Variants in GIGYF2 observed in about 807,000 individuals in gnomAD.
The protein encoded by GIGYF2 is GRB10-interacting GYF protein 2.
GIGYF2 carries 25 observed loss-of-function variants against 208.1 expected under a neutral mutation model. The ratio of observed to expected loss-of-function variants is 0.12; its 90% CI spans 0.09 to 0.17. GIGYF2 has a LOEUF of 0.17. Among genes scored for constraint, GIGYF2 ranks in the 10% least tolerant of loss-of-function variants. The pLI is 1.00. For synonymous variants in GIGYF2, 534 were observed against 543.8 expected, an observed-to-expected ratio of 0.98 and a Z score of 0.25; for missense variants, 1,302 against 1,579.4, an observed-to-expected ratio of 0.82 and a Z score of 2.98.
intron 27 of GIGYF2, 108 bp downstream of exon 27, chr2:232,847,679 A>G (rs1702067067): frequency 5.6e-6 from 8 of 1,436,564 alleles, no homozygotes; most frequent in South Asian, 3.5e-5. Context: ...TGTATATCCA[A>G]TAACCATGCT....
chr2:232,736,059 G>T, intron 3 of GIGYF2: 1 of 975,370 alleles, frequency 1.0e-6, no homozygotes, highest in Non-Finnish European at 1.2e-6. Context: ...CTCTATTTGA[G>T]GAGTCTTATT....
chr2:232,796,628 G>A (rs1700231078), intron 14 of GIGYF2, among the ~76,000 whole-genome samples: 1 of 152,198 alleles, frequency 6.6e-6, no homozygotes, highest in South Asian at 2.1e-4. Context: ...GGAAGCCGAG[G>A]TGGGCGAATC....
At chr2:232,839,258 A>G (rs930003496) in intron 22 of GIGYF2, among the ~76,000 whole-genome samples, 3 of 152,194 alleles carry the variant, frequency 2.0e-5, no homozygotes, top group Admixed American at 6.5e-5. Flanking sequence ...ATTTTAGTCA[A>G]TAATCTTAAG....
At chr2:232,792,349 C>T (rs955085543) in intron 12 of GIGYF2, among the ~76,000 whole-genome samples, 1 of 152,122 alleles carries the variant, frequency 6.6e-6, no homozygotes, top group Non-Finnish European at 1.5e-5. Flanking sequence ...ATGTTTATTA[C>T]CTTGTTTTCC....
At chr2:232,776,396 C>G in intron 8 of GIGYF2, 1 of 1,519,084 alleles carries the variant, frequency 6.6e-7, no homozygotes, top group Non-Finnish European at 9.1e-7. Context: ...CAGTTTCTTT[C>G]CCTGTTTCCC....
Position 232,790,774 on chromosome 2 carries a change from T to A in GIGYF2, c.789T>A (p.Asp263Glu), listed in dbSNP as rs976415657. The change falls in exon 10 of 29, where the codon GAT (aspartate) becomes GAA (glutamate). Residue 263 changes from aspartate (D) to glutamate (E), a missense_variant. Asp to Glu is a conservative substitution (Grantham distance 45). Transcript: ENST00000373563. ...RRFEFDFRDR[D>E]DERGYRRVRS... Reference sequence around the variant, plus strand: ...TTGAGTTTGATTTTCGAGATAGAGATGATGAACGGGGTTACCGAAGGGTTC... The same window carrying A: ...TTGAGTTTGATTTTCGAGATAGAGAAGATGAACGGGGTTACCGAAGGGTTC... 2.4e-5 allele frequency: 38 copies of A among 1,613,992 alleles called. No homozygotes were observed. Among genetic ancestry groups the A allele is most frequent in the Non-Finnish European group, 3.1e-5 (36 of 1,179,992 alleles).
At chr2:232,725,354 A>T (rs952740825) in intron 2 of GIGYF2, among the ~76,000 whole-genome samples, 1 of 152,188 alleles carries the variant, frequency 6.6e-6, no homozygotes, top group Non-Finnish European at 1.5e-5. Flanking sequence ...AAAAGATCCT[A>T]GGTCTTTCTT....
chr2:232,817,022 G>T lies in GIGYF2; in HGVS notation c.2360G>T (p.Arg787Leu). 1 of 1,611,912 alleles carries T rather than the reference G, an allele frequency of 6.2e-7. No homozygotes were observed. The highest frequency in any genetic ancestry group is 8.5e-7 in the Non-Finnish European group (1 of 1,177,984). ...AGGCGAGAGGAAGAAGAACTTGCCC[G>T]AAGGAAACAGGTATGTATCTGGGAA... is the stretch of plus-strand genomic sequence containing the variant. ...RKRREEEELA[R>L]RKQEEALRRQ... Residue 787 changes from arginine (R) to leucine (L), a missense_variant, in exon 20 of 29, where the codon CGA (arginine) becomes CTA (leucine). By Grantham distance (102) the Arg-to-Leu change is moderately radical. Coordinates refer to ENST00000373563, the MANE Select transcript of GIGYF2 (RefSeq NM_001103146.3).
chr2:232,805,511 T>C (rs1700534221), intron 14 of GIGYF2, among the ~76,000 whole-genome samples: 1 of 152,218 alleles, frequency 6.6e-6, no homozygotes, highest in African/African-American at 2.4e-5. Flanking sequence ...TAACTTACTT[T>C]AAGTTAATAT....
rs181092832 is a variant in GIGYF2 at position 232,760,263 on chromosome 2, T to C, written c.380-217T>C. 3.2e-5 allele frequency: 17 copies of C among 525,444 alleles called. No individual in the cohort carries two copies. The East Asian group carries it at 5.7e-4, about 18-fold the overall frequency. 32.5% of individuals were successfully genotyped at this position (525,444 alleles called of 1,614,324 possible). A position where few individuals can be genotyped will look rare whatever the true frequency, so the allele number is the denominator to read the frequency against. ...ACTGGGTCTATTGCATTATATTATG[T>C]TAGTTTTTTTAACTTGTTTCTTTCA... On this transcript the variant is annotated intron_variant, in intron 6 of 28. Transcript: ENST00000373563.
chr2:232,791,284 T>A lies in GIGYF2; in HGVS notation c.1120T>A (p.Ser374Thr), dbSNP rs749641279. 39 of 1,613,872 alleles carry A rather than the reference T, an allele frequency of 2.4e-5. No homozygotes were observed. In the African/African-American group the frequency reaches 3.9e-4, roughly 16 times the overall value. Reference protein sequence around the residue: ...VEASEETPQTSSSSARPGTPS... With the variant: ...VEASEETPQTTSSSARPGTPS... Reference sequence around the variant, plus strand: ...AGCTAGTGAGGAAACTCCCCAGACCTCATCATCATCTGCTAGACCAGGTAC... The same window carrying A: ...AGCTAGTGAGGAAACTCCCCAGACCACATCATCATCTGCTAGACCAGGTAC... The change falls in exon 12 of 29, where the codon TCA (serine) becomes ACA (threonine). Residue 374 changes from serine to threonine, a missense_variant. Around this residue, in one of 8 missense-constraint regions of GIGYF2, gnomAD observed 235 missense variants for 218.8 expected, o/e 1.07. Transcript: ENST00000373563.
At position 232,806,411 on chromosome 2, in the gene GIGYF2, T is replaced by G; in HGVS notation, c.1640-80T>G. The G allele has an allele frequency of 1.0e-6, 1 of 970,050 alleles. No homozygotes were observed. Among genetic ancestry groups the G allele is most frequent in the South Asian group, 1.3e-5 (1 of 77,840 alleles). The allele number at this position is 970,050 out of a possible 1,614,324, so 60.1% of individuals were successfully genotyped here. On this transcript the variant is annotated intron_variant, in intron 14 of 28. Coordinates refer to ENST00000373563, the MANE Select transcript of GIGYF2 (RefSeq NM_001103146.3). This position sits in a 1 kb window ranked among gnomAD's most constrained non-coding sequence, Gnocchi z 4.0. ...TTGACAGATGCCACCTCGATGAGAA[T>G]CAGATGCAGGAAATATTTTTTTTCT...
At chr2:232,853,516 GC>G (rs1690438142) in intron 28 of GIGYF2, among the ~76,000 whole-genome samples, 1 of 152,172 alleles carries the variant, frequency 6.6e-6, no homozygotes, top group Non-Finnish European at 1.5e-5. Context: ...CTCGTGATCT[GC>G]CCGCCTTGGC....
At chr2:232,783,289 A>G (rs1699780375) in intron 8 of GIGYF2, among the ~76,000 whole-genome samples, 1 of 152,220 alleles carries the variant, frequency 6.6e-6, no homozygotes, top group Admixed American at 6.5e-5. Context: ...AACACCAAAG[A>G]AAGAATGATG....
intron 12 of GIGYF2, among the ~76,000 whole-genome samples, chr2:232,793,856 A>C (rs1208058734): frequency 1.3e-5 from 2 of 152,182 alleles, no homozygotes; most frequent in Non-Finnish European, 2.9e-5. Context: ...ATAATGTCAG[A>C]TGCTACTAAG....
intron 8 of GIGYF2, among the ~76,000 whole-genome samples, chr2:232,771,738 G>A (rs1361700696): frequency 6.6e-6 from 1 of 152,100 alleles, no homozygotes; most frequent in Non-Finnish European, 1.5e-5. Flanking sequence ...CAAATATTGT[G>A]TATAAAGACT....
At chr2:232,776,672 C>G (rs1468331940) in intron 8 of GIGYF2, 1 of 556,978 alleles carries the variant, frequency 1.8e-6, no homozygotes. Flanking sequence ...TAGCTCTGAT[C>G]ATGTGGAAAA....
rs1035502553 is a variant in GIGYF2 at position 232,844,726 on chromosome 2, T to C, written c.3305+152T>C. The C allele has an allele frequency of 9.5e-5, 64 of 674,938 alleles. 1 individual carries two copies. Among genetic ancestry groups the C allele is most frequent in the Non-Finnish European group, 1.6e-4 (61 of 373,768 alleles). 41.8% of individuals were successfully genotyped at this position (674,938 alleles called of 1,614,324 possible). A position where few individuals can be genotyped will look rare whatever the true frequency, so the allele number is the denominator to read the frequency against. ...CAAGCACATGCAGTCATAATTATGGTGATTGCTTTCTTCCCCATAGAAACA... is the reference window on the plus strand; with the variant it reads ...CAAGCACATGCAGTCATAATTATGGCGATTGCTTTCTTCCCCATAGAAACA... On this transcript the variant is annotated intron_variant, in intron 25 of 28. Transcript: ENST00000373563.
chr2:232,779,575 C>T (rs548629482), intron 8 of GIGYF2, among the ~76,000 whole-genome samples: 1 of 152,246 alleles, frequency 6.6e-6, no homozygotes, highest in South Asian at 2.1e-4. Context: ...TTTCCATTTC[C>T]ACATGTCCAA....
Sources: gnomAD v4.1 joint callset for allele counts (sites outside exome capture counted in the v4.1 genomes callset) on GRCh38, gnomAD v4.1.1 for gene constraint, gnomAD v4.1.1 regional missense constraint, Gnocchi (gnomAD v3.1) non-coding constraint, MANE v1.5 for transcripts, NCBI Gene and HGNC (gene_info 2026-07-23, HGNC 2026-07-21) for gene names.